SEPTIN9: variants seen among roughly 807,000 people sequenced by gnomAD.
SEPTIN9 encodes septin-9.
In SEPTIN9, 13 loss-of-function variants were observed where a neutral mutation model predicts 56.6. That is an observed-to-expected ratio of 0.23 (90% CI 0.15 to 0.37). SEPTIN9 has a LOEUF of 0.37. Among genes scored for constraint, SEPTIN9 ranks in the 10% least tolerant of loss-of-function variants. The probability of loss-of-function intolerance (pLI) is 1.00; values close to 1 mark genes in which losing one functional copy is unlikely to be tolerated. For synonymous variants in SEPTIN9, 332 were observed against 334.1 expected, an observed-to-expected ratio of 0.99 and a Z score of 0.07; for missense variants, 650 against 823.1, an observed-to-expected ratio of 0.79 and a Z score of 2.57.
intron 3 of SEPTIN9, among the ~76,000 whole-genome samples, chr17:77,478,088 G>T (rs1414591939): frequency 1.3e-5 from 2 of 151,944 alleles, no homozygotes; most frequent in African/African-American, 2.4e-5. Context: ...ATTCAGTGAG[G>T]GTCTTGTGCT....
intron 3 of SEPTIN9, among the ~76,000 whole-genome samples, chr17:77,424,992 G>C (rs532160637): frequency 2.6e-4 from 39 of 152,314 alleles, no homozygotes; most frequent in African/African-American, 6.7e-4. Flanking sequence ...AGTAGGGTGA[G>C]GGTAACCAGG....
intron 3 of SEPTIN9, among the ~76,000 whole-genome samples, chr17:77,418,840 C>G (rs924470872): frequency 6.6e-6 from 1 of 152,140 alleles, no homozygotes; most frequent in Non-Finnish European, 1.5e-5. Context: ...CAGGCTGGAC[C>G]GAGACCCGGT....
In SEPTIN9 at chr17:77,498,950, A is replaced by T. The variant is rs969365048; in HGVS notation, c.*292A>T. 1.4e-5 allele frequency: 8 copies of T among 554,692 alleles called. No homozygotes were observed. Among genetic ancestry groups the T allele is most frequent in the Non-Finnish European group, 2.1e-5 (6 of 289,400 alleles). 34.4% of individuals were successfully genotyped at this position (554,692 alleles called of 1,614,324 possible). ...CCCAGGCCTGGCTCCCCGAGGGCTC[A>T]GAAGAGCAGCTTCGGTGTGCAGATC... On this transcript the variant is annotated 3_prime_UTR_variant, in exon 12 of 12. Transcript: ENST00000427177.
intron 2 of SEPTIN9, among the ~76,000 whole-genome samples, chr17:77,353,890 A>G (rs199684333): frequency 4.8e-4 from 73 of 152,268 alleles, no homozygotes; most frequent in East Asian, 5.8e-4. Flanking sequence ...CGCACATTGC[A>G]TGTGTGTGCA....
chr17:77,412,516 T>C (rs891343076), intron 3 of SEPTIN9, among the ~76,000 whole-genome samples: 2 of 152,132 alleles, frequency 1.3e-5, no homozygotes, highest in African/African-American at 4.8e-5. Flanking sequence ...GTGGGCGGAT[T>C]GCTTGAGCTT....
At chr17:77,439,776 C>T (rs895096860) in intron 3 of SEPTIN9, among the ~76,000 whole-genome samples, 1 of 152,216 alleles carries the variant, frequency 6.6e-6, no homozygotes, top group African/African-American at 2.4e-5. Flanking sequence ...CCCTGAGAGC[C>T]CCGCCCTGGG....
chr17:77,488,995 G>A (rs764909412), intron 7 of SEPTIN9, 131 bp downstream of exon 7: 25 of 1,194,628 alleles, frequency 2.1e-5, no homozygotes, highest in Non-Finnish European at 2.9e-5. Flanking sequence ...ATGGCCGCCA[G>A]CTATGAAGTT....
Position 77,434,655 on chromosome 17 carries a change from T to G in SEPTIN9, c.721+31952T>G, listed in dbSNP as rs756824265. Among the ~76,000 whole-genome samples the G allele has an allele frequency of 1.3e-5, 2 of 152,104 alleles. No homozygotes were observed. Among genetic ancestry groups the G allele is most frequent in the African/African-American group, 2.4e-5 (1 of 41,400 alleles). ...TCAAAGCTCACGTCCAAGGCATTTG[T>G]GGGCACCCCCGCCCCAGACGTGAGG... On this transcript the variant is annotated intron_variant, in intron 3 of 11. Transcript: ENST00000427177. This position sits in a 1 kb window ranked among gnomAD's most constrained non-coding sequence, Gnocchi z 5.0.
In SEPTIN9 at chr17:77,389,670, C is replaced by G. The variant is rs1216546986; in HGVS notation, c.77-12389C>G. Among the ~76,000 whole-genome samples the G allele has an allele frequency of 1.3e-5, 2 of 152,054 alleles. No homozygotes were observed. The highest frequency in any genetic ancestry group is 2.4e-5 in the African/African-American group (1 of 41,408). On this transcript the variant is annotated intron_variant, in intron 2 of 11. Transcript: ENST00000427177. This position sits in a 1 kb window ranked among gnomAD's most constrained non-coding sequence, Gnocchi z 4.3. Reference sequence around the variant, plus strand: ...CCCTCCCACACAGATCCGTCCCACCCTTCTGCTGCCTTCCACCAGGGACGG... The same window carrying G: ...CCCTCCCACACAGATCCGTCCCACCGTTCTGCTGCCTTCCACCAGGGACGG...
intron 1 of SEPTIN9, among the ~76,000 whole-genome samples, chr17:77,300,838 G>A (rs1194602098): frequency 2.8e-5 from 2 of 71,906 alleles, no homozygotes; most frequent in Non-Finnish European, 5.1e-5. Context: ...GGCTCAAAGC[G>A]CCCCCACCCC....
At chr17:77,333,772 C>T (rs1165106984) in intron 2 of SEPTIN9, among the ~76,000 whole-genome samples, 5 of 151,250 alleles carry the variant, frequency 3.3e-5, no homozygotes, top group Non-Finnish European at 2.9e-5. Context: ...ATTTTGTTGT[C>T]GTTTTATGTG....
intron 3 of SEPTIN9, among the ~76,000 whole-genome samples, chr17:77,481,421 C>A (rs2039451776): frequency 6.6e-6 from 1 of 152,068 alleles, no homozygotes; most frequent in Admixed American, 6.5e-5. Context: ...CCTCCATGAG[C>A]CCAGGAACAG....
At chr17:77,394,870 A>C (rs1480134948) in intron 2 of SEPTIN9, among the ~76,000 whole-genome samples, 2 of 152,094 alleles carry the variant, frequency 1.3e-5, no homozygotes, top group Admixed American at 1.3e-4. Context: ...ATGGGCCTGG[A>C]GGGGAAAGTT....
chr17:77,473,056 G>GCC (rs1037664792), intron 3 of SEPTIN9, among the ~76,000 whole-genome samples: 1 of 152,170 alleles, frequency 6.6e-6, no homozygotes, highest in African/African-American at 2.4e-5. Flanking sequence ...TGTTTTCAGA[G>GCC]CCCCCCAGGG....
intron 2 of SEPTIN9, among the ~76,000 whole-genome samples, chr17:77,354,271 C>T (rs1355929057): frequency 1.3e-5 from 2 of 152,196 alleles, no homozygotes; most frequent in African/African-American, 4.8e-5. Context: ...AGGAAACAGG[C>T]GTAGAGGGAT....
intron 10 of SEPTIN9, among the ~76,000 whole-genome samples, chr17:77,495,791 T>C (rs1394573917): frequency 1.3e-5 from 2 of 152,188 alleles, no homozygotes; most frequent in Non-Finnish European, 2.9e-5. Flanking sequence ...GCAACCGGCA[T>C]AGCACTGAGA....
At position 77,430,548 on chromosome 17, in the gene SEPTIN9, T is replaced by C. The variant is rs116282710; in HGVS notation, c.721+27845T>C. ...CAGAGCAGCCATCACGCATTCCCGA[T>C]CTTGGTTTCTGGACCCAGCTCTGGA... is the stretch of plus-strand genomic sequence containing the variant. On this transcript the variant is annotated intron_variant, in intron 3 of 11. Coordinates refer to ENST00000427177, the MANE Select transcript of SEPTIN9 (RefSeq NM_001113491.2). Among the ~76,000 whole-genome samples, 776 of 152,254 alleles carry C rather than the reference T, an allele frequency of 5.1e-3. 9 individuals carry two copies. Among genetic ancestry groups the C allele is most frequent in the South Asian group, 0.027 (131 of 4,826 alleles).
chr17:77,394,950 G>C (rs1280540564), intron 2 of SEPTIN9, among the ~76,000 whole-genome samples: 1 of 152,342 alleles, frequency 6.6e-6, no homozygotes, highest in East Asian at 1.9e-4. Context: ...CTTGAGAATA[G>C]GAGAAGCCCT....
Position 77,445,395 on chromosome 17 carries a change from G to A in SEPTIN9, c.722-36749G>A. ...TGCATCCCATTGGGGTGTTGCCCAG[G>A]ATGGATTGGAAAAGAGTTGGCAGGA... On this transcript the variant is annotated intron_variant, in intron 3 of 11. Transcript: ENST00000427177. This position sits in a 1 kb window ranked among gnomAD's most constrained non-coding sequence, Gnocchi z 4.7. 1 of 467,820 alleles carries A rather than the reference G, an allele frequency of 2.1e-6. No homozygotes were observed. Among genetic ancestry groups the A allele is most frequent in the Non-Finnish European group, 4.4e-6 (1 of 227,050 alleles). 29.0% of individuals were successfully genotyped at this position (467,820 alleles called of 1,614,324 possible). A position where few individuals can be genotyped will look rare whatever the true frequency, so the allele number is the denominator to read the frequency against.
Sources: allele counts gnomAD v4.1 joint callset (sites outside exome capture counted in the v4.1 genomes callset), GRCh38; gene constraint gnomAD v4.1.1; non-coding constraint Gnocchi (gnomAD v3.1); transcripts MANE v1.5; gene names NCBI Gene and HGNC (gene_info 2026-07-23, HGNC 2026-07-21).